The following WEE1 variants were observed in gnomAD, a reference collection of about 807,000 sequenced individuals.
WEE1 encodes WEE1 G2 checkpoint kinase, also known as wee1-like protein kinase.
A neutral mutation model predicts 68.8 loss-of-function variants in WEE1; 16 were observed. The observed-to-expected ratio is 0.23, with a 90% CI of 0.16 to 0.35. The LOEUF (loss-of-function observed/expected upper bound fraction) is 0.35. Among genes scored for constraint, WEE1 ranks in the 10% least tolerant of loss-of-function variants. The pLI, the probability that WEE1 is intolerant of heterozygous loss-of-function variation, is 1.00. For missense variants in WEE1, 651 were observed against 824.1 expected, an observed-to-expected ratio of 0.79 and a Z score of 2.57; for synonymous variants, 349 against 318.7, an observed-to-expected ratio of 1.09 and a Z score of -1.01.
chr11:9,581,324 A>G, intron 5 of WEE1: 1 of 504,636 alleles, frequency 2.0e-6, no homozygotes, highest in Non-Finnish European at 3.5e-6. Flanking sequence ...TGAGAGAGAG[A>G]CTTTACATTT....
In WEE1 at chr11:9,574,617, T is replaced by G; in HGVS notation, c.576+108T>G. 9.0e-7 allele frequency: 1 copy of G among 1,111,748 alleles called. No individual in the cohort carries two copies. Among genetic ancestry groups the G allele is most frequent in the Non-Finnish European group, 1.1e-6 (1 of 911,768 alleles). The allele number at this position is 1,111,748 out of a possible 1,614,324, so 68.9% of individuals were successfully genotyped here. A position where few individuals can be genotyped will look rare whatever the true frequency, so the allele number is the denominator to read the frequency against. On this transcript the variant is annotated intron_variant, in intron 1 of 10. Transcript: ENST00000450114. The surrounding 1 kb of genome is among the most constrained non-coding windows in gnomAD (Gnocchi z 4.9). ...AAGCGGCCGGCCGCTCCCCCCTCGC[T>G]TTCCTGCGCCGCCCCCCAAAGTTGG...
rs768749832 is a variant in WEE1 at position 9,585,369 on chromosome 11, A to G, written c.1384+16A>G. Reference sequence around the variant, plus strand: ...TTTAAAATAGGTAAGAAAGGTAATCAGATTATTACCTTCAGATAAAGAGAA... The same window carrying G: ...TTTAAAATAGGTAAGAAAGGTAATCGGATTATTACCTTCAGATAAAGAGAA... On this transcript the variant is annotated intron_variant, in intron 7 of 10. Transcript: ENST00000450114. The G allele has an allele frequency of 4.3e-6, 7 of 1,611,784 alleles. No homozygotes were observed. The Admixed American group carries it at 8.4e-5, about 19-fold the overall frequency.
At position 9,588,702 on chromosome 11, in the gene WEE1, C is replaced by G; in HGVS notation, c.*100C>G. ...TTGCAATTACTTTCTCGATTGGTGT[C>G]AGTAGTTTTACTGATTAGGACTTTT... On this transcript the variant is annotated 3_prime_UTR_variant, in exon 11 of 11. Coordinates refer to ENST00000450114, the MANE Select transcript of WEE1 (RefSeq NM_003390.4). 2 of 1,395,920 alleles carry G rather than the reference C, an allele frequency of 1.4e-6. No homozygotes were observed. 86.5% of individuals were successfully genotyped at this position (1,395,920 alleles called of 1,614,324 possible).
intron 6 of WEE1, among the ~76,000 whole-genome samples, chr11:9,582,548 A>G (rs1849639318): frequency 3.9e-5 from 6 of 152,052 alleles, no homozygotes. Context: ...TATGTTAACA[A>G]GTCACTAAAG....
At position 9,588,793 on chromosome 11, in the gene WEE1, C is replaced by T; in HGVS notation, c.*191C>T. The T allele has an allele frequency of 8.2e-7, 1 of 1,214,624 alleles. No individual in the cohort carries two copies. Among genetic ancestry groups the T allele is most frequent in the East Asian group, 3.9e-5 (1 of 25,828 alleles). The allele number at this position is 1,214,624 out of a possible 1,614,324, so 75.2% of individuals were successfully genotyped here. ...ATGTCAGGCTTTCATCTAATCTTACCAGTCTGTCTTCTGTAGGATGTGTCA... is the reference window on the plus strand; with the variant it reads ...ATGTCAGGCTTTCATCTAATCTTACTAGTCTGTCTTCTGTAGGATGTGTCA... On this transcript the variant is annotated 3_prime_UTR_variant, in exon 11 of 11. Transcript: ENST00000450114.
chr11:9,589,450 A>C lies in WEE1; in HGVS notation c.*848A>C. 22 of 985,068 alleles carry C rather than the reference A, an allele frequency of 2.2e-5. No individual in the cohort carries two copies. Among genetic ancestry groups the C allele is most frequent in the Non-Finnish European group, 2.7e-5 (22 of 829,718 alleles). 61.0% of individuals were successfully genotyped at this position (985,068 alleles called of 1,614,324 possible). On this transcript the variant is annotated 3_prime_UTR_variant, in exon 11 of 11. Transcript: ENST00000450114. ...CCCCCTAAGTTTTATACTTGATTGT[A>C]TTATTAGTCTGTTTTTAAATGTTTT... is the stretch of plus-strand genomic sequence containing the variant.
chr11:9,578,901 T>TTATTTATG (rs1428145707), intron 5 of WEE1: 79 of 150,116 alleles, frequency 5.3e-4, no homozygotes, highest in African/African-American at 1.8e-3. Flanking sequence ...ATTTATTTAT[T>TTATTTATG]TATTTATTTA....
In WEE1 at chr11:9,589,010, A is replaced by C. The variant is rs1849732683; in HGVS notation, c.*408A>C. 1 of 986,012 alleles carries C rather than the reference A, an allele frequency of 1.0e-6. No individual in the cohort carries two copies. Among genetic ancestry groups the C allele is most frequent in the East Asian group, 1.1e-4 (1 of 8,858 alleles). 61.1% of individuals were successfully genotyped at this position (986,012 alleles called of 1,614,324 possible). A position where few individuals can be genotyped will look rare whatever the true frequency, so the allele number is the denominator to read the frequency against. ...AAAGACTCATTACTACTCAGCCTTC[A>C]ATGTACCTGTGTGTCCATCTTATAT... On this transcript the variant is annotated 3_prime_UTR_variant, in exon 11 of 11. Transcript: ENST00000450114.
intron 6 of WEE1, among the ~76,000 whole-genome samples, chr11:9,584,477 A>G (rs1030766549): frequency 3.9e-5 from 6 of 152,164 alleles, no homozygotes; most frequent in African/African-American, 1.4e-4. Context: ...TTAAAATAGA[A>G]TCTGCCACTA....
Position 9,585,291 on chromosome 11 carries a change from A to G in WEE1, c.1322A>G (p.Asn441Ser). 6.2e-7 allele frequency: 1 copy of G among 1,614,126 alleles called. No homozygotes were observed. Among genetic ancestry groups the G allele is most frequent in the African/African-American group, 1.3e-5 (1 of 75,064 alleles). ...TTCATATCTCGAACCTCAATCCCAA[A>G]TGCTGCCTCTGAAGAAGGAGACGAA... ...NIFISRTSIP[N>S]AASEEGDEDD... Residue 441 changes from asparagine to serine, a missense_variant, in exon 7 of 11, where the codon AAT becomes AGT. Physicochemically the swap from Asn to Ser is conservative, Grantham distance 46. Transcript: ENST00000450114.
Position 9,589,238 on chromosome 11 carries a change from A to T in WEE1, c.*636A>T. ...CTTCTTTTTGAAACAATTATGTGAA[A>T]TGTATAGCTGCTTTTGATGAAAAGC... On this transcript the variant is annotated 3_prime_UTR_variant, in exon 11 of 11. Coordinates refer to ENST00000450114, the MANE Select transcript of WEE1 (RefSeq NM_003390.4). 3.0e-6 allele frequency: 3 copies of T among 984,422 alleles called. No individual in the cohort carries two copies. Among genetic ancestry groups the T allele is most frequent in the Non-Finnish European group, 3.6e-6 (3 of 829,630 alleles). The allele number at this position is 984,422 out of a possible 1,614,324, so 61.0% of individuals were successfully genotyped here. A position where few individuals can be genotyped will look rare whatever the true frequency, so the allele number is the denominator to read the frequency against.
chr11:9,586,532 A>T lies in WEE1; in HGVS notation c.1554A>T (p.Arg518Ser). 6.2e-7 allele frequency: 1 copy of T among 1,614,160 alleles called. No homozygotes were observed. The highest frequency in any genetic ancestry group is 1.1e-5 in the South Asian group (1 of 91,086). ...VCAAGAEPLP[R>S]NGDQWHEIRQ... is the part of the protein sequence containing the mutation. ...CTGCTGGTGCTGAACCTCTTCCGAG[A>T]AATGGAGATCAATGGCATGAAATCA... is the stretch of plus-strand genomic sequence containing the variant. The change falls in exon 9 of 11, where the codon AGA becomes AGT. Residue 518 changes from arginine to serine, a missense_variant. Around this residue, in one of 5 missense-constraint regions of WEE1, gnomAD observed 18 missense variants for 54.3 expected, o/e 0.33. Coordinates refer to ENST00000450114, the MANE Select transcript of WEE1 (RefSeq NM_003390.4).
Position 9,574,151 on chromosome 11 carries a change from C to T in WEE1, c.218C>T (p.Pro73Leu), listed in dbSNP as rs1274937429. ...PPARSPTEPG[P>L]ERRRSPGPAP... Reference sequence around the variant, plus strand: ...GCGCGGAGCCCCACGGAGCCCGGGCCCGAGCGCCGCCGCTCGCCCGGGCCG... The same window carrying T: ...GCGCGGAGCCCCACGGAGCCCGGGCTCGAGCGCCGCCGCTCGCCCGGGCCG... The change falls in exon 1 of 11, where the codon CCC becomes CTC. Residue 73 changes from proline to leucine, a missense_variant. Physicochemically the swap from Pro to Leu is moderately conservative, Grantham distance 98. Around this residue, in one of 5 missense-constraint regions of WEE1, gnomAD observed 395 missense variants for 378.4 expected, o/e 1.04. Transcript: ENST00000450114. This position sits in a 1 kb window ranked among gnomAD's most constrained non-coding sequence, Gnocchi z 4.9. The T allele has an allele frequency of 3.4e-6, 4 of 1,191,856 alleles. No individual in the cohort carries two copies. Among genetic ancestry groups the T allele is most frequent in the African/African-American group, 1.6e-5 (1 of 62,300 alleles). The allele number at this position is 1,191,856 out of a possible 1,614,324, so 73.8% of individuals were successfully genotyped here.
At chr11:9,581,798 C>T (rs1043575690) in intron 6 of WEE1, 120 bp downstream of exon 6, 5 of 930,294 alleles carry the variant, frequency 5.4e-6, no homozygotes, top group African/African-American at 5.2e-5. Context: ...TTTAAAAGGC[C>T]TTAGATCCAC....
intron 1 of WEE1, chr11:9,575,367 C>G (rs369346788): frequency 1.3e-5 from 13 of 991,424 alleles, no homozygotes; most frequent in East Asian, 2.2e-4. Flanking sequence ...GGAAGATGCA[C>G]CTTTTAAAGT....
intron 1 of WEE1, chr11:9,575,194 G>T: frequency 1.0e-6 from 1 of 985,520 alleles, no homozygotes; most frequent in African/African-American, 1.7e-5. Context: ...CGTGTGATTA[G>T]GAACATCCTA....
intron 6 of WEE1, among the ~76,000 whole-genome samples, chr11:9,583,043 C>T (rs1027995725): frequency 1.3e-4 from 20 of 152,062 alleles, no homozygotes; most frequent in African/African-American, 1.9e-4. Context: ...AGACCAGGTG[C>T]AGTGGCTGAC....
rs1163518966 is a variant in WEE1 at position 9,581,524 on chromosome 11, T to C, written c.1142-8T>C. Reference sequence around the variant, plus strand: ...GAAGAAAATGCTAATATTTTCTATCTTTGTTAGGTGGAAGTTTAGCTGATG... The same window carrying C: ...GAAGAAAATGCTAATATTTTCTATCCTTGTTAGGTGGAAGTTTAGCTGATG... On this transcript the variant is annotated splice_polypyrimidine_tract_variant and splice_region_variant and intron_variant, in intron 5 of 10. Transcript: ENST00000450114. The C allele has an allele frequency of 6.3e-7, 1 of 1,583,536 alleles. No homozygotes were observed. Among genetic ancestry groups the C allele is most frequent in the Admixed American group, 2.0e-5 (1 of 50,406 alleles).
rs2134362317 is a variant in WEE1 at position 9,589,982 on chromosome 11, T to C, written c.*1380T>C. 1 of 154,122 alleles carries C rather than the reference T, an allele frequency of 6.5e-6. No homozygotes were observed. Among genetic ancestry groups the C allele is most frequent in the South Asian group, 2.1e-4 (1 of 4,860 alleles). 9.5% of individuals were successfully genotyped at this position (154,122 alleles called of 1,614,324 possible). ...AAGTGAATATAATATGATTCATAACTTTCTGATTTGTACTGAGTCACAGAA... is the reference window on the plus strand; with the variant it reads ...AAGTGAATATAATATGATTCATAACCTTCTGATTTGTACTGAGTCACAGAA... On this transcript the variant is annotated 3_prime_UTR_variant, in exon 11 of 11. Transcript: ENST00000450114.
Sources: gnomAD v4.1 joint callset for allele counts (sites outside exome capture counted in the v4.1 genomes callset) on GRCh38, gnomAD v4.1.1 for gene constraint, gnomAD v4.1.1 regional missense constraint, Gnocchi (gnomAD v3.1) non-coding constraint, MANE v1.5 for transcripts, NCBI Gene and HGNC (gene_info 2026-07-23, HGNC 2026-07-21) for gene names.